STARD13: variants seen among roughly 807,000 people sequenced by gnomAD.
The protein encoded by STARD13 is StAR related lipid transfer domain containing 13.
A neutral mutation model predicts 106.4 loss-of-function variants in STARD13; 62 were observed. That is an observed-to-expected ratio of 0.58 (90% CI 0.48 to 0.72). STARD13 has a LOEUF of 0.72. STARD13 is among the 30% of genes least tolerant of loss of function. STARD13 has a pLI of 0.00. For synonymous variants in STARD13, 565 were observed against 553.0 expected, an observed-to-expected ratio of 1.02 and a Z score of -0.31; for missense variants, 1,387 against 1,424.0, an observed-to-expected ratio of 0.97 and a Z score of 0.42.
the STARD13 span, among the ~76,000 whole-genome samples, chr13:33,642,474 G>T: frequency 1.3e-5 from 2 of 152,232 alleles, no homozygotes; most frequent in Non-Finnish European, 2.9e-5. Flanking sequence ...GGTCACTCAA[G>T]AGTCAGGCAC....
chr13:33,397,909 A>T, the STARD13 span, among the ~76,000 whole-genome samples: 1 of 152,232 alleles, frequency 6.6e-6, no homozygotes, highest in Non-Finnish European at 1.5e-5. Context: ...CTGGCCTCTT[A>T]TGAGAGCTCT....
the STARD13 span, among the ~76,000 whole-genome samples, chr13:33,446,003 A>G: frequency 5.9e-3 from 905 of 152,298 alleles, 2 homozygotes; most frequent in Non-Finnish European, 9.4e-3. Flanking sequence ...TACCCAATAG[A>G]TCATGTACAA....
the STARD13 span, among the ~76,000 whole-genome samples, chr13:33,532,287 G>GA: frequency 6.6e-6 from 1 of 152,152 alleles, no homozygotes; most frequent in South Asian, 2.1e-4. Context: ...TATTGCTAAT[G>GA]AAAAAAACTG....
chr13:33,453,968 G>A, the STARD13 span, among the ~76,000 whole-genome samples: 1 of 152,220 alleles, frequency 6.6e-6, no homozygotes, highest in Admixed American at 6.5e-5. Context: ...AGACCCACAA[G>A]CTAAACAGAC....
At chr13:33,268,269 T>C (rs1890997966) in intron 1 of STARD13, among the ~76,000 whole-genome samples, 1 of 152,258 alleles carries the variant, frequency 6.6e-6, no homozygotes, top group African/African-American at 2.4e-5. Flanking sequence ...TTTCTTCCTC[T>C]GAGGATACTT....
the STARD13 span, among the ~76,000 whole-genome samples, chr13:33,422,950 T>C: frequency 6.6e-6 from 1 of 152,162 alleles, no homozygotes; most frequent in Non-Finnish European, 1.5e-5. Context: ...TAATTCAAGA[T>C]GAATTAAAGT....
chr13:33,428,594 G>A, the STARD13 span, among the ~76,000 whole-genome samples: 2 of 151,960 alleles, frequency 1.3e-5, no homozygotes, highest in Non-Finnish European at 2.9e-5. Flanking sequence ...TCAGAGAGGT[G>A]AAAATAAAAA....
At chr13:33,333,411 T>C (rs1425005250) in intron 1 of STARD13, among the ~76,000 whole-genome samples, 3 of 151,936 alleles carry the variant, frequency 2.0e-5, no homozygotes, top group African/African-American at 7.3e-5. Flanking sequence ...AAAAATAAAT[T>C]TCAACTATGC....
At chr13:33,557,806 G>A in the STARD13 span, among the ~76,000 whole-genome samples, 389 of 152,236 alleles carry the variant, frequency 2.6e-3, 2 homozygotes, top group African/African-American at 8.3e-3. Context: ...TAGATAAACC[G>A]TTGCTAAGAG....
chr13:33,171,566 C>T (rs770868386), intron 1 of STARD13, among the ~76,000 whole-genome samples: 17 of 152,314 alleles, frequency 1.1e-4, no homozygotes, highest in Middle Eastern at 6.8e-3. Context: ...GTAGGGCTGA[C>T]GCCTCTTGCC....
chr13:33,499,630 TCTTCTTCTTCTTCTTCTC>T, the STARD13 span, among the ~76,000 whole-genome samples: 77 of 126,908 alleles, frequency 6.1e-4, 3 homozygotes, highest in African/African-American at 2.6e-3. Context: ...TTCTTCTTCT[TCTTCTTCTTCTTCTTCTC>T]CTTCTTCTTC....
At chr13:33,184,937 A>C (rs754846224) in intron 1 of STARD13, among the ~76,000 whole-genome samples, 6 of 152,208 alleles carry the variant, frequency 3.9e-5, no homozygotes, top group Non-Finnish European at 7.3e-5. Flanking sequence ...TAACATGCCC[A>C]TACTTCTTTT....
At chr13:33,271,209 GA>G (rs1410298186) in intron 1 of STARD13, among the ~76,000 whole-genome samples, 1 of 152,136 alleles carries the variant, frequency 6.6e-6, no homozygotes, top group Non-Finnish European at 1.5e-5. Flanking sequence ...AAATCTGGAA[GA>G]AAAAAATCTC....
At chr13:33,361,665 G>A in the STARD13 span, among the ~76,000 whole-genome samples, 1 of 152,222 alleles carries the variant, frequency 6.6e-6, no homozygotes, top group Non-Finnish European at 1.5e-5. Flanking sequence ...TATGGCAAGA[G>A]GCAAAGGAGA....
intron 1 of STARD13, among the ~76,000 whole-genome samples, chr13:33,174,296 C>T (rs953313171): frequency 6.6e-6 from 1 of 151,984 alleles, no homozygotes; most frequent in African/African-American, 2.4e-5. Flanking sequence ...ACTATATAGT[C>T]ACACACACTT....
At chr13:33,452,732 A>G in the STARD13 span, among the ~76,000 whole-genome samples, 1 of 152,204 alleles carries the variant, frequency 6.6e-6, no homozygotes, top group Non-Finnish European at 1.5e-5. Context: ...AGATTAAGCT[A>G]AAAACTTGTG....
downstream of STARD13, among the ~76,000 whole-genome samples, chr13:33,345,431 G>A (rs146508871): frequency 5.6e-4 from 85 of 152,284 alleles, no homozygotes; most frequent in African/African-American, 1.9e-3. Context: ...CCAGGGAGGA[G>A]GCCATGTGGT....
At chr13:33,176,483 A>G (rs1594044495) in intron 1 of STARD13, among the ~76,000 whole-genome samples, 1 of 152,272 alleles carries the variant, frequency 6.6e-6, no homozygotes, top group East Asian at 1.9e-4. Flanking sequence ...ACAGCTATCG[A>G]TAGATTCATT....
chr13:33,265,740 T>C lies in STARD13; in HGVS notation c.169+19730A>G, dbSNP rs181894696. Among the ~76,000 whole-genome samples, 7 of 152,196 alleles carry C rather than the reference T, an allele frequency of 4.6e-5. No individual in the cohort carries two copies. The East Asian group carries it at 9.6e-4, about 21-fold the overall frequency. Reference sequence around the variant, plus strand: ...AAAAGCAGGAAGAAAATGTATATGATTCCAGTGAAATTTCTGTTGTAAGGT... The same window carrying C: ...AAAAGCAGGAAGAAAATGTATATGACTCCAGTGAAATTTCTGTTGTAAGGT... On this transcript the variant is annotated intron_variant, in intron 1 of 13. Coordinates refer to ENST00000336934, the MANE Select transcript of STARD13 (RefSeq NM_178006.4).
Sources: allele counts gnomAD v4.1 joint callset (sites outside exome capture counted in the v4.1 genomes callset), GRCh38; gene constraint gnomAD v4.1.1; transcripts MANE v1.5; gene names NCBI Gene and HGNC (gene_info 2026-07-23, HGNC 2026-07-21).